Variants in AFAP1 observed in about 807,000 individuals in gnomAD.
The protein encoded by AFAP1 is actin filament associated protein 1.
Under a neutral mutation model 93.9 loss-of-function variants are expected in AFAP1, and 75 were observed. The ratio of observed to expected loss-of-function variants is 0.80; its 90% CI spans 0.66 to 0.97. The LOEUF (loss-of-function observed/expected upper bound fraction) is 0.97, where lower values mean the gene tolerates loss of function less well. Ranked by LOEUF, AFAP1 falls within the 50% of genes least tolerant of loss-of-function variation. The pLI, the probability that AFAP1 is intolerant of heterozygous loss-of-function variation, is 0.00. For missense variants in AFAP1, 1,201 were observed against 1,050.8 expected (o/e 1.14, Z -1.98); for synonymous variants, 517 against 430.7 (o/e 1.20, Z -2.48).
chr4:7,826,033 C>T (rs1368908832), intron 6 of AFAP1, among the ~76,000 whole-genome samples: 1 of 151,536 alleles, frequency 6.6e-6, no homozygotes, highest in Non-Finnish European at 1.5e-5. Context: ...GAACTAAATC[C>T]TAAAAGTGAA....
rs779060767 is a variant in AFAP1, at chr4:7,868,703, G to T, written c.144C>A (p.Asp48Glu). The change falls in exon 3 of 18, where the codon GAC becomes GAA. Residue 48 changes from aspartate to glutamate, a missense_variant. Asp to Glu is a conservative substitution (Grantham distance 45). Coordinates refer to ENST00000420658, the MANE Select transcript of AFAP1 (RefSeq NM_001134647.2). ...IQSSKGFDVKDHAQKQETANS... is the reference protein window; with the variant it reads ...IQSSKGFDVKEHAQKQETANS... ...TAGCGGTCTCCTGCTTCTGAGCATGGTCCTTCACATCAAAACCTGTAAGAA... is the reference window on the plus strand; with the variant it reads ...TAGCGGTCTCCTGCTTCTGAGCATGTTCCTTCACATCAAAACCTGTAAGAA... 1 of 1,613,440 alleles carries T rather than the reference G, an allele frequency of 6.2e-7. No homozygotes were observed. Among genetic ancestry groups the T allele is most frequent in the African/African-American group, 1.3e-5 (1 of 75,050 alleles).
At chr4:7,799,661 A>G (rs1718837172) in intron 10 of AFAP1, among the ~76,000 whole-genome samples, 1 of 152,354 alleles carries the variant, frequency 6.6e-6, no homozygotes, top group Middle Eastern at 3.4e-3. Flanking sequence ...CTTGGTCATA[A>G]TAACACTAAG....
rs540729881 is a variant in AFAP1 at position 7,937,987 on chromosome 4, A to AT, written c.-3+1668dup. ...TGCGCCTGCCCACCTCTATCAGAGC[A>AT]TTTTTCAAGCTGTGCTACAGTTAAC... is the stretch of plus-strand genomic sequence containing the variant. On this transcript the variant is annotated intron_variant, in intron 1 of 17. Coordinates refer to ENST00000420658, the MANE Select transcript of AFAP1 (RefSeq NM_001134647.2). Among the ~76,000 whole-genome samples, 310 of 152,270 alleles carry AT rather than the reference A, an allele frequency of 2.0e-3. 1 individual carries two copies. The highest frequency in any genetic ancestry group is 6.8e-3 in the African/African-American group (281 of 41,556).
At chr4:7,887,763 C>A (rs1718214504) in intron 1 of AFAP1, among the ~76,000 whole-genome samples, 1 of 151,992 alleles carries the variant, frequency 6.6e-6, no homozygotes, top group Non-Finnish European at 1.5e-5. Context: ...TTTCTTCTGG[C>A]TTAGTACGAT....
intron 4 of AFAP1, among the ~76,000 whole-genome samples, chr4:7,854,763 T>C (rs1410946576): frequency 6.6e-6 from 1 of 152,178 alleles, no homozygotes; most frequent in Non-Finnish European, 1.5e-5. Flanking sequence ...TTGACATACA[T>C]TCAGGTATTC....
chr4:7,852,809 C>T (rs1279078857), intron 4 of AFAP1, among the ~76,000 whole-genome samples: 1 of 152,170 alleles, frequency 6.6e-6, no homozygotes, highest in Non-Finnish European at 1.5e-5. Context: ...ACGAATTCTT[C>T]TTCCCCCTCT....
rs1478231126 is a variant in AFAP1 at position 7,763,769 on chromosome 4, G to T, written c.2441C>A (p.Thr814Asn). ...CTGGAGTGGTGCTGCTGTCCCCTAG[G>T]TCCCGTTCTTCAATTCCCATTCCTA... ...KAKEWELKNG[T>N] is the part of the protein sequence containing the mutation. The change falls in exon 18 of 18, where the codon ACC becomes AAC. Residue 814 changes from threonine to asparagine, a missense_variant. By Grantham distance (65) the Thr-to-Asn change is moderately conservative. Coordinates refer to ENST00000420658, the MANE Select transcript of AFAP1 (RefSeq NM_001134647.2). The T allele has an allele frequency of 3.2e-6, 5 of 1,551,656 alleles. No individual in the cohort carries two copies. The highest frequency in any genetic ancestry group is 4.4e-6 in the Non-Finnish European group (5 of 1,146,960).
intron 4 of AFAP1, among the ~76,000 whole-genome samples, chr4:7,853,422 G>C (rs1714682906): frequency 6.6e-6 from 1 of 152,204 alleles, no homozygotes; most frequent in Non-Finnish European, 1.5e-5. Context: ...GGTGGACGCG[G>C]GGACAGGGAC....
chr4:7,869,144 AGAAAGG>A lies in AFAP1; in HGVS notation c.128-431_128-426del, dbSNP rs200955199. On this transcript the variant is annotated intron_variant, in intron 2 of 17. Transcript: ENST00000420658. The stretch of plus-strand genomic sequence containing the variant: ...AAGAAAAGAGAAAAAAGAATAAAAG[AGAAAGG>A]GAAAGGGAAAGGGAAAAGAAAAGAA... Among the ~76,000 whole-genome samples the A allele has an allele frequency of 1.8e-3, 268 of 151,722 alleles. 1 individual carries two copies. Among genetic ancestry groups the A allele is most frequent in the East Asian group, 0.012 (60 of 5,112 alleles).
At chr4:7,912,341 T>C (rs375088631) in intron 1 of AFAP1, among the ~76,000 whole-genome samples, 1 of 152,262 alleles carries the variant, frequency 6.6e-6, no homozygotes, top group Admixed American at 6.5e-5. Flanking sequence ...CTGCGTCCTA[T>C]GGCAATTGCA....
intron 1 of AFAP1, among the ~76,000 whole-genome samples, chr4:7,912,415 G>A (rs1193447712): frequency 2.0e-5 from 3 of 152,140 alleles, no homozygotes; most frequent in Non-Finnish European, 4.4e-5. Context: ...TTCCATTCCT[G>A]CCAGCCAAGT....
At chr4:7,802,258 G>C (rs985122811) in intron 9 of AFAP1, among the ~76,000 whole-genome samples, 3 of 143,410 alleles carry the variant, frequency 2.1e-5, no homozygotes, top group Non-Finnish European at 4.9e-5. Context: ...ATGTTGTTAG[G>C]GAGTGACAGA....
At chr4:7,921,181 C>CTTA (rs1720424253) in intron 1 of AFAP1, among the ~76,000 whole-genome samples, 1 of 95,110 alleles carries the variant, frequency 1.1e-5, no homozygotes. Context: ...GAGAGCAAAA[C>CTTA]TTTTTTTTTT....
intron 16 of AFAP1, among the ~76,000 whole-genome samples, chr4:7,771,601 CCA>C (rs1347740875): frequency 6.6e-6 from 1 of 152,142 alleles, no homozygotes; most frequent in Non-Finnish European, 1.5e-5. Flanking sequence ...CCAAAAGCGT[CCA>C]CACACAGTCT....
chr4:7,935,023 T>C (rs1721295333), intron 1 of AFAP1, among the ~76,000 whole-genome samples: 1 of 152,022 alleles, frequency 6.6e-6, no homozygotes, highest in Admixed American at 6.6e-5. Flanking sequence ...TATAAAACAA[T>C]ACTGGCCAAT....
intron 3 of AFAP1, among the ~76,000 whole-genome samples, chr4:7,862,603 G>A (rs62289321): frequency 1.2e-3 from 190 of 152,218 alleles, no homozygotes; most frequent in Non-Finnish European, 2.0e-3. Flanking sequence ...TTATGTTACG[G>A]ATATTTTACC....
At chr4:7,785,405 G>A (rs1301499978) in intron 12 of AFAP1, among the ~76,000 whole-genome samples, 3 of 152,152 alleles carry the variant, frequency 2.0e-5, no homozygotes, top group Non-Finnish European at 4.4e-5. Context: ...CCAGGAGCCA[G>A]GAGCCTGGCT....
In AFAP1 at chr4:7,771,676, A is replaced by G. The variant is rs1404361240; in HGVS notation, c.2253+1144T>C. Among the ~76,000 whole-genome samples, 6 of 152,312 alleles carry G rather than the reference A, an allele frequency of 3.9e-5. No individual in the cohort carries two copies. The East Asian group carries it at 1.2e-3, about 29-fold the overall frequency. On this transcript the variant is annotated intron_variant, in intron 16 of 17. Coordinates refer to ENST00000420658, the MANE Select transcript of AFAP1 (RefSeq NM_001134647.2). ...GGGCCTAGAGAAGTCAAGTCATTTCAAGCCCTGGCCTGTGTGACCCCAGAG... is the reference window on the plus strand; with the variant it reads ...GGGCCTAGAGAAGTCAAGTCATTTCGAGCCCTGGCCTGTGTGACCCCAGAG...
intron 1 of AFAP1, among the ~76,000 whole-genome samples, chr4:7,907,625 CTT>C (rs1170273780): frequency 2.0e-5 from 3 of 152,164 alleles, no homozygotes; most frequent in Non-Finnish European, 4.4e-5. Context: ...AAATCTATAA[CTT>C]TTTGAGCGCT....
Sources: allele counts gnomAD v4.1 joint callset (sites outside exome capture counted in the v4.1 genomes callset), GRCh38; gene constraint gnomAD v4.1.1; transcripts MANE v1.5; gene names NCBI Gene and HGNC (gene_info 2026-07-23, HGNC 2026-07-21).